Variants in GTF2B observed in about 807,000 individuals in gnomAD.
GTF2B encodes transcription initiation factor IIB.
In GTF2B, 20 loss-of-function variants were observed where a neutral mutation model predicts 34.6. The ratio of observed to expected loss-of-function variants is 0.58; its 90% CI spans 0.41 to 0.84. GTF2B has a LOEUF of 0.84. Ranked by LOEUF, GTF2B falls within the 40% of genes least tolerant of loss-of-function variation. GTF2B has a pLI of 0.00. For missense variants in GTF2B, 237 were observed against 393.3 expected, an observed-to-expected ratio of 0.60 and a Z score of 3.36; for synonymous variants, 142 against 132.4, an observed-to-expected ratio of 1.07 and a Z score of -0.50.
At chr1:88,881,084 C>G (rs912080616) in intron 2 of GTF2B, among the ~76,000 whole-genome samples, 33 of 140,110 alleles carry the variant, frequency 2.4e-4, no homozygotes, top group African/African-American at 8.8e-4. Flanking sequence ...CTACATTGAA[C>G]AGGATGTTAA....
chr1:88,884,508 A>G (rs1674020626), intron 2 of GTF2B, among the ~76,000 whole-genome samples: 1 of 152,232 alleles, frequency 6.6e-6, no homozygotes, highest in African/African-American at 2.4e-5. Flanking sequence ...TCTTAAATAA[A>G]TTTATTTTCT....
At chr1:88,873,631 A>G (rs1231980600) in intron 2 of GTF2B, among the ~76,000 whole-genome samples, 1 of 152,138 alleles carries the variant, frequency 6.6e-6, no homozygotes, top group Non-Finnish European at 1.5e-5. Context: ...GGCTAGTATG[A>G]CCCAAGCTCC....
At chr1:88,859,795 C>A in intron 5 of GTF2B, 87 bp downstream of exon 5, 1 of 1,190,690 alleles carries the variant, frequency 8.4e-7, no homozygotes, top group Non-Finnish European at 1.2e-6. Context: ...AAGATTGCGC[C>A]ACTGCACTCT....
At chr1:88,891,407 T>C (rs2100984514) in intron 1 of GTF2B, 76 bp downstream of exon 1, 3 of 1,172,512 alleles carry the variant, frequency 2.6e-6, no homozygotes, top group South Asian at 2.6e-5. Context: ...CCTACGAGGC[T>C]GCCCGGAGGC....
intron 1 of GTF2B, 75 bp downstream of exon 1, chr1:88,891,408 G>C (rs527327611): frequency 8.4e-7 from 1 of 1,193,782 alleles, no homozygotes; most frequent in African/African-American, 1.5e-5. Context: ...CTACGAGGCT[G>C]CCCGGAGGCC....
chr1:88,887,840 A>G (rs753752208), intron 1 of GTF2B: 6 of 155,650 alleles, frequency 3.9e-5, no homozygotes, highest in Non-Finnish European at 7.1e-5. Flanking sequence ...CAGTAAGTAT[A>G]GAAATGAGGG....
chr1:88,873,019 T>G (rs1334358507), intron 2 of GTF2B, among the ~76,000 whole-genome samples: 2 of 152,070 alleles, frequency 1.3e-5, no homozygotes, highest in Non-Finnish European at 2.9e-5. Context: ...CTCATATTGA[T>G]TTTTAAGTTT....
chr1:88,868,001 C>A (rs1673599102), intron 2 of GTF2B, among the ~76,000 whole-genome samples: 2 of 152,172 alleles, frequency 1.3e-5, no homozygotes, highest in Admixed American at 1.3e-4. Context: ...CAAAACAACT[C>A]ATTTAGCATA....
At chr1:88,865,869 C>T (rs1229772737) in intron 2 of GTF2B, among the ~76,000 whole-genome samples, 1 of 147,640 alleles carries the variant, frequency 6.8e-6, no homozygotes, top group African/African-American at 2.6e-5. Context: ...AACAAACAAA[C>T]AAACAAAAAT....
intron 2 of GTF2B, among the ~76,000 whole-genome samples, chr1:88,866,660 G>A (rs1169229534): frequency 6.6e-6 from 1 of 152,050 alleles, no homozygotes; most frequent in South Asian, 2.1e-4. Context: ...CACTCACCTC[G>A]GCCTCCCCAA....
chr1:88,886,432 TAGG>T (rs1236831508), intron 2 of GTF2B, among the ~76,000 whole-genome samples: 1 of 152,202 alleles, frequency 6.6e-6, no homozygotes, highest in Non-Finnish European at 1.5e-5. Context: ...AGTGTGCAAG[TAGG>T]AACAAGGTGA....
At chr1:88,889,590 G>C (rs1431559067) in intron 1 of GTF2B, among the ~76,000 whole-genome samples, 1 of 152,232 alleles carries the variant, frequency 6.6e-6, no homozygotes, top group Non-Finnish European at 1.5e-5. Flanking sequence ...TGATTTGCCT[G>C]AAGTCATGGA....
Position 88,866,957 on chromosome 1 carries a change from T to G in GTF2B, c.125-2843A>C, listed in dbSNP as rs188376871. ...CGTTAGATGGATGGCATTACAAGGA[T>G]TTATCTGTTTCCTCTTCCTCATAAT... On this transcript the variant is annotated intron_variant, in intron 2 of 6. Transcript: ENST00000370500. Among the ~76,000 whole-genome samples the G allele has an allele frequency of 2.0e-5, 3 of 152,258 alleles. No homozygotes were observed. In the East Asian group the frequency reaches 5.8e-4, roughly 29 times the overall value.
chr1:88,857,094 C>T, intron 6 of GTF2B, 112 bp downstream of exon 6: 1 of 968,338 alleles, frequency 1.0e-6, no homozygotes, highest in Non-Finnish European at 1.6e-6. Flanking sequence ...AGCCCCCGCG[C>T]CTGGTCAAAT....
chr1:88,857,690 C>G (rs1053432289), intron 5 of GTF2B, among the ~76,000 whole-genome samples: 2 of 5,664 alleles, frequency 3.5e-4, no homozygotes, highest in Non-Finnish European at 1.0e-3. Context: ...GTTCATCACA[C>G]CTTTTTTTTT....
intron 2 of GTF2B, among the ~76,000 whole-genome samples, chr1:88,876,979 G>C (rs1009754203): frequency 6.6e-6 from 1 of 152,148 alleles, no homozygotes. Flanking sequence ...TTGCAGTGTA[G>C]GTGTGAAGAC....
chr1:88,857,691 C>CTTTTTTTTTCTTT (rs368010048), intron 5 of GTF2B, among the ~76,000 whole-genome samples: 1 of 108,152 alleles, frequency 9.2e-6, no homozygotes, highest in East Asian at 2.9e-4. Flanking sequence ...TTCATCACAC[C>CTTTTTTTTTCTTT]TTTTTTTTTG....
intron 2 of GTF2B, 110 bp from the exon 3 acceptor site, chr1:88,864,224 C>A: frequency 2.3e-6 from 2 of 876,412 alleles, no homozygotes; most frequent in South Asian, 1.5e-5. Context: ...TCAACATGGA[C>A]ATCTAGGACC....
At chr1:88,860,914 C>T (rs901974391) in intron 3 of GTF2B, among the ~76,000 whole-genome samples, 2 of 152,090 alleles carry the variant, frequency 1.3e-5, no homozygotes, top group African/African-American at 4.8e-5. Flanking sequence ...CATTTTGTAA[C>T]ACTGATTGGA....
Sources: allele counts gnomAD v4.1 joint callset (sites outside exome capture counted in the v4.1 genomes callset), GRCh38; gene constraint gnomAD v4.1.1; transcripts MANE v1.5; gene names NCBI Gene and HGNC (gene_info 2026-07-23, HGNC 2026-07-21).